The following FKBP9 variants were observed in gnomAD, a reference collection of about 807,000 sequenced individuals.
The protein encoded by FKBP9 is FKBP prolyl isomerase 9, also known as peptidyl-prolyl cis-trans isomerase FKBP9.
FKBP9 carries 27 observed loss-of-function variants against 55.6 expected under a neutral mutation model. The observed-to-expected ratio is 0.49, with a 90% CI of 0.36 to 0.67. The LOEUF (loss-of-function observed/expected upper bound fraction) is 0.67. Ranked by LOEUF, FKBP9 falls within the 30% of genes least tolerant of loss-of-function variation. The pLI is 0.00. For synonymous variants in FKBP9, 267 were observed against 296.5 expected (o/e 0.90, Z 1.02); for missense variants, 539 against 742.8 (o/e 0.73, Z 3.19).
Position 32,976,397 on chromosome 7 carries a change from T to G in FKBP9, c.601T>G (p.Trp201Gly), listed in dbSNP as rs766099820. 1.2e-6 allele frequency: 2 copies of G among 1,613,974 alleles called. No homozygotes were observed. Among genetic ancestry groups the G allele is most frequent in the Non-Finnish European group, 1.7e-6 (2 of 1,179,862 alleles). The stretch of plus-strand genomic sequence containing the variant: ...ATATGACACGTATGTGGGAATTGGC[T>G]GGCTGATTCCTGGAATGGATAAAGG... Reference protein sequence around the residue: ...KTYDTYVGIGWLIPGMDKGLL... With the variant: ...KTYDTYVGIGGLIPGMDKGLL... Residue 201 changes from tryptophan (W) to glycine (G), a missense_variant, in exon 4 of 10, where the codon TGG (tryptophan) becomes GGG (glycine). Physicochemically the swap from Trp to Gly is radical, Grantham distance 184 (BLOSUM62 -2). This residue lies in a region of FKBP9 where 29 missense variants were observed against 65.3 expected (regional missense o/e 0.44). Coordinates refer to ENST00000242209, the MANE Select transcript of FKBP9 (RefSeq NM_007270.5).
chr7:32,960,028 T>C (rs1299235147), intron 1 of FKBP9, among the ~76,000 whole-genome samples: 1 of 151,930 alleles, frequency 6.6e-6, no homozygotes, highest in East Asian at 1.9e-4. Context: ...TTCCCCACAA[T>C]GGCTGCACCA....
At position 32,957,889 on chromosome 7, in the gene FKBP9, C is replaced by T. The variant is rs1274645323; in HGVS notation, c.221+95C>T. 5 of 926,646 alleles carry T rather than the reference C, an allele frequency of 5.4e-6. No homozygotes were observed. In the East Asian group the frequency reaches 1.3e-4, roughly 25 times the overall value. The allele number at this position is 926,646 out of a possible 1,614,324, so 57.4% of individuals were successfully genotyped here. On this transcript the variant is annotated intron_variant, in intron 1 of 9. Transcript: ENST00000242209. ...TCCTGCCGGACCTCCCCTAGCTCCG[C>T]CCCGTGCAGCCGCGCTCCTCCCTTC...
At chr7:32,965,779 C>T (rs1432374160) in intron 1 of FKBP9, among the ~76,000 whole-genome samples, 2 of 110,704 alleles carry the variant, frequency 1.8e-5, no homozygotes, top group African/African-American at 7.3e-5. Flanking sequence ...GCCTGGGCAA[C>T]AGAGCGAGAC....
chr7:32,988,237 T>C (rs531563052), intron 5 of FKBP9, among the ~76,000 whole-genome samples: 1 of 152,304 alleles, frequency 6.6e-6, no homozygotes, highest in African/African-American at 2.4e-5. Context: ...TGTGTGGTGC[T>C]TCTCATAACC....
At chr7:32,963,351 TC>T (rs1784063577) in intron 1 of FKBP9, among the ~76,000 whole-genome samples, 2 of 151,970 alleles carry the variant, frequency 1.3e-5, no homozygotes, top group African/African-American at 4.8e-5. Context: ...TTTTTTTTTT[TC>T]ATCCCATGGA....
chr7:32,968,199 A>G lies in FKBP9; in HGVS notation c.222-6418A>G, dbSNP rs541103255. On this transcript the variant is annotated intron_variant, in intron 1 of 9. Transcript: ENST00000242209. ...GACTACAGTACCTTTGCACCACCAC[A>G]CATGGCTAATTTTTGTGTTTTTGTA... Among the ~76,000 whole-genome samples, 3 of 152,262 alleles carry G rather than the reference A, an allele frequency of 2.0e-5. No homozygotes were observed. In the East Asian group the frequency reaches 5.8e-4, roughly 29 times the overall value.
intron 6 of FKBP9, among the ~76,000 whole-genome samples, chr7:32,995,906 T>G (rs1011191602): frequency 2.0e-5 from 3 of 152,208 alleles, no homozygotes; most frequent in Admixed American, 2.0e-4. Flanking sequence ...GTCTTGAATT[T>G]TAGTCCAAAC....
At position 32,957,892 on chromosome 7, in the gene FKBP9, C is replaced by G. The variant is rs796192813; in HGVS notation, c.221+98C>G. On this transcript the variant is annotated intron_variant, in intron 1 of 9. Coordinates refer to ENST00000242209, the MANE Select transcript of FKBP9 (RefSeq NM_007270.5). The stretch of plus-strand genomic sequence containing the variant: ...TGCCGGACCTCCCCTAGCTCCGCCC[C>G]GTGCAGCCGCGCTCCTCCCTTCTTC... 3.7e-5 allele frequency: 33 copies of G among 901,652 alleles called. No homozygotes were observed. In the African/African-American group the frequency reaches 4.1e-4, roughly 11 times the overall value. 55.9% of individuals were successfully genotyped at this position (901,652 alleles called of 1,614,324 possible). A position where few individuals can be genotyped will look rare whatever the true frequency, so the allele number is the denominator to read the frequency against.
At chr7:33,001,946 A>C (rs1784943389) in intron 8 of FKBP9, 1 of 152,210 alleles carries the variant, frequency 6.6e-6, no homozygotes, top group Non-Finnish European at 1.5e-5. Context: ...ACATTTATTT[A>C]TTTCTTTTTA....
At position 33,003,978 on chromosome 7, in the gene FKBP9, G is replaced by A. The variant is rs576601203; in HGVS notation, c.1536+1139G>A. Among the ~76,000 whole-genome samples the A allele has an allele frequency of 2.0e-5, 3 of 151,860 alleles. No homozygotes were observed. The East Asian group carries it at 5.8e-4, about 30-fold the overall frequency. Reference sequence around the variant, plus strand: ...TTTATGGAACCCCTGCTATCCACCCGCACACCCCGCTTGGGGCCTGCTTTA... The same window carrying A: ...TTTATGGAACCCCTGCTATCCACCCACACACCCCGCTTGGGGCCTGCTTTA... On this transcript the variant is annotated intron_variant, in intron 9 of 9. Transcript: ENST00000242209.
At chr7:32,962,637 C>A (rs1176784998) in intron 1 of FKBP9, among the ~76,000 whole-genome samples, 1 of 151,732 alleles carries the variant, frequency 6.6e-6, no homozygotes, top group Non-Finnish European at 1.5e-5. Context: ...CCACACCTGG[C>A]TAATTTTTGT....
intron 1 of FKBP9, among the ~76,000 whole-genome samples, chr7:32,967,980 C>T (rs1197190352): frequency 6.6e-6 from 1 of 152,178 alleles, no homozygotes; most frequent in Admixed American, 6.5e-5. Flanking sequence ...GTTTCTAACT[C>T]CCGACCTCAG....
At chr7:32,968,900 C>T (rs977452530) in intron 1 of FKBP9, among the ~76,000 whole-genome samples, 2 of 151,904 alleles carry the variant, frequency 1.3e-5, no homozygotes, top group Non-Finnish European at 2.9e-5. Context: ...TCAGTTGATC[C>T]GCCCACCTCA....
At position 32,989,995 on chromosome 7, in the gene FKBP9, A is replaced by ATT. The variant is rs543394091; in HGVS notation, c.1039+1355_1039+1356dup. Among the ~76,000 whole-genome samples, 12 of 146,332 alleles carry ATT rather than the reference A, an allele frequency of 8.2e-5. No homozygotes were observed. In the East Asian group the frequency reaches 1.0e-3, roughly 12 times the overall value. Reference sequence around the variant, plus strand: ...ACCATGCACGGCTAATTCAAAAGCAATTTTTTTTTTTTTGTAAAGACAGAC... The same window carrying ATT: ...ACCATGCACGGCTAATTCAAAAGCAATTTTTTTTTTTTTTTGTAAAGACAGAC... On this transcript the variant is annotated intron_variant, in intron 6 of 9. Coordinates refer to ENST00000242209, the MANE Select transcript of FKBP9 (RefSeq NM_007270.5).
chr7:32,998,116 C>G (rs1376866597), intron 7 of FKBP9, among the ~76,000 whole-genome samples: 1 of 152,200 alleles, frequency 6.6e-6, no homozygotes, highest in Non-Finnish European at 1.5e-5. Flanking sequence ...ACCTGGCTTA[C>G]AACAGACCTT....
chr7:32,973,838 C>G (rs11770029), intron 1 of FKBP9, among the ~76,000 whole-genome samples: 877 of 18,662 alleles, frequency 0.047, 162 homozygotes, highest in East Asian at 0.098. Context: ...TTACAGGCGC[C>G]TGCCACCACG....
intron 4 of FKBP9, among the ~76,000 whole-genome samples, chr7:32,977,059 T>C (rs1473423930): frequency 1.3e-5 from 2 of 152,238 alleles, no homozygotes; most frequent in Non-Finnish European, 2.9e-5. Context: ...GTTTTACCTA[T>C]GGCATTAACT....
chr7:33,001,517 G>A (rs1470797521), intron 8 of FKBP9, among the ~76,000 whole-genome samples: 1 of 142,634 alleles, frequency 7.0e-6, no homozygotes, highest in African/African-American at 2.7e-5. Context: ...CCTGGCGACA[G>A]GGCAAGACTC....
chr7:32,990,390 A>G (rs1287281916), intron 6 of FKBP9, among the ~76,000 whole-genome samples: 1 of 152,220 alleles, frequency 6.6e-6, no homozygotes, highest in Non-Finnish European at 1.5e-5. Context: ...CAAAAGGAAC[A>G]TATCCCTAAC....
Sources: gnomAD v4.1 joint callset for allele counts (sites outside exome capture counted in the v4.1 genomes callset) on GRCh38, gnomAD v4.1.1 for gene constraint, gnomAD v4.1.1 regional missense constraint, MANE v1.5 for transcripts, NCBI Gene and HGNC (gene_info 2026-07-23, HGNC 2026-07-21) for gene names.